The following CFDP1 variants were observed in gnomAD, a reference collection of about 807,000 sequenced individuals.
CFDP1 encodes the protein chromatin remodeling protein CFDP1.
Under a neutral mutation model 40.1 loss-of-function variants are expected in CFDP1, and 31 were observed. The ratio of observed to expected loss-of-function variants is 0.77; its 90% CI spans 0.58 to 1.04. CFDP1 has a LOEUF of 1.04. Among genes scored for constraint, CFDP1 ranks in the 50% least tolerant of loss-of-function variants. The probability of loss-of-function intolerance (pLI) is 0.00; values close to 1 mark genes in which losing one functional copy is unlikely to be tolerated. For synonymous variants in CFDP1, 167 were observed against 120.0 expected, an observed-to-expected ratio of 1.39 and a Z score of -2.56; for missense variants, 423 against 343.4, an observed-to-expected ratio of 1.23 and a Z score of -1.83.
intron 5 of CFDP1, among the ~76,000 whole-genome samples, chr16:75,312,060 C>T (rs973800007): frequency 6.6e-6 from 1 of 152,164 alleles, no homozygotes; most frequent in African/African-American, 2.4e-5. Flanking sequence ...GTTTCTCTTT[C>T]GCATTTTCTC....
chr16:75,298,286 G>A (rs968298202), intron 6 of CFDP1, among the ~76,000 whole-genome samples: 2 of 152,176 alleles, frequency 1.3e-5, no homozygotes, highest in African/African-American at 4.8e-5. Flanking sequence ...ACCTGTATCT[G>A]GGAACCCACC....
chr16:75,337,450 A>G (rs2078497425), intron 5 of CFDP1, among the ~76,000 whole-genome samples: 1 of 152,188 alleles, frequency 6.6e-6, no homozygotes, highest in Admixed American at 6.5e-5. Flanking sequence ...TATTGCTGCC[A>G]CAACTAACCT....
At chr16:75,370,854 T>A (rs538348779) in intron 5 of CFDP1, among the ~76,000 whole-genome samples, 1 of 152,290 alleles carries the variant, frequency 6.6e-6, no homozygotes, top group Non-Finnish European at 1.5e-5. Context: ...AGAGCAAGAC[T>A]GTCTCAAAAA....
chr16:75,410,055 C>CAAA (rs150987819), intron 4 of CFDP1, among the ~76,000 whole-genome samples: 32 of 52,536 alleles, frequency 6.1e-4, no homozygotes, highest in African/African-American at 2.2e-3. Context: ...GACCCTTTCT[C>CAAA]AAAAAAAAAA....
intron 5 of CFDP1, among the ~76,000 whole-genome samples, chr16:75,369,311 G>A (rs1264336824): frequency 6.6e-6 from 1 of 152,002 alleles, no homozygotes; most frequent in Non-Finnish European, 1.5e-5. Flanking sequence ...AAGCACTTTA[G>A]GAGGTCAAGG....
chr16:75,318,860 T>C (rs1188775727), intron 5 of CFDP1, among the ~76,000 whole-genome samples: 1 of 152,168 alleles, frequency 6.6e-6, no homozygotes, highest in East Asian at 1.9e-4. Context: ...TAGGCTAAAG[T>C]TTTGGGATAC....
chr16:75,326,237 G>C (rs763048254), intron 5 of CFDP1, among the ~76,000 whole-genome samples: 3 of 152,116 alleles, frequency 2.0e-5, no homozygotes, highest in Non-Finnish European at 4.4e-5. Context: ...ACTGCAGCCG[G>C]GTTGCTTTTG....
intron 5 of CFDP1, among the ~76,000 whole-genome samples, chr16:75,380,398 G>C (rs1163506073): frequency 6.6e-6 from 1 of 152,106 alleles, no homozygotes; most frequent in African/African-American, 2.4e-5. Context: ...GGTTACAGCC[G>C]GCAGGGTGGG....
chr16:75,395,255 A>T, intron 4 of CFDP1, 46 bp from the exon 5 acceptor site: 1 of 1,599,602 alleles, frequency 6.3e-7, no homozygotes, highest in Non-Finnish European at 8.5e-7. Flanking sequence ...GAATAAAGAG[A>T]AAGAAACAAG....
chr16:75,386,578 A>T (rs972799739), intron 5 of CFDP1, among the ~76,000 whole-genome samples: 8 of 152,174 alleles, frequency 5.3e-5, no homozygotes, highest in African/African-American at 1.9e-4. Context: ...TACAAAAATT[A>T]GCCGGGCGTG....
chr16:75,408,082 T>A (rs760140230), intron 4 of CFDP1, among the ~76,000 whole-genome samples: 6 of 140,904 alleles, frequency 4.3e-5, no homozygotes, highest in Non-Finnish European at 9.1e-5. Context: ...ACAGCCTGGG[T>A]GACAAAGAGA....
intron 5 of CFDP1, among the ~76,000 whole-genome samples, chr16:75,335,877 AC>A (rs1399509469): frequency 6.6e-6 from 1 of 152,164 alleles, no homozygotes; most frequent in Non-Finnish European, 1.5e-5. Flanking sequence ...TATTTAGCTT[AC>A]ATTTGTGTCT....
intron 4 of CFDP1, among the ~76,000 whole-genome samples, chr16:75,408,735 A>C (rs2151580942): frequency 6.6e-6 from 1 of 152,058 alleles, no homozygotes; most frequent in South Asian, 2.1e-4. Context: ...AGATCATGCC[A>C]CTGTACTCTA....
Position 75,339,386 on chromosome 16 carries a change from A to C in CFDP1, c.651-34204T>G, listed in dbSNP as rs559626252. Among the ~76,000 whole-genome samples, 6 of 152,172 alleles carry C rather than the reference A, an allele frequency of 3.9e-5. No individual in the cohort carries two copies. In the South Asian group the frequency reaches 1.2e-3, roughly 32 times the overall value. On this transcript the variant is annotated intron_variant, in intron 5 of 6. Coordinates refer to ENST00000283882, the MANE Select transcript of CFDP1 (RefSeq NM_006324.3). ...TTCATGAGTGCAGCATTCTCTTTTT[A>C]TCTCTTTCAGGGATAAATTCACTTC...
At chr16:75,364,571 G>A (rs2078701279) in intron 5 of CFDP1, among the ~76,000 whole-genome samples, 1 of 152,186 alleles carries the variant, frequency 6.6e-6, no homozygotes, top group Non-Finnish European at 1.5e-5. Flanking sequence ...GACAGCTAAT[G>A]GAATGTGTGA....
At chr16:75,359,008 C>A (rs1379238290) in intron 5 of CFDP1, among the ~76,000 whole-genome samples, 1 of 152,140 alleles carries the variant, frequency 6.6e-6, no homozygotes, top group Non-Finnish European at 1.5e-5. Flanking sequence ...AAAAGGATAA[C>A]CAAAATTATC....
At position 75,305,165 on chromosome 16, in the gene CFDP1, C is replaced by A. The variant is rs752679386; in HGVS notation, c.668G>T (p.Gly223Val). The A allele has an allele frequency of 6.2e-7, 1 of 1,614,020 alleles. No homozygotes were observed. The highest frequency in any genetic ancestry group is 2.2e-5 in the East Asian group (1 of 44,884). Reference sequence around the variant, plus strand: ...AATTTTCCCCAAAAGGCTGCTCATGCCACTTGATCTTTTTAACCTAAGGAA... The same window carrying A: ...AATTTTCCCCAAAAGGCTGCTCATGACACTTGATCTTTTTAACCTAAGGAA... The part of the protein sequence containing the change: ...PAGSGLKRSS[G>V]MSSLLGKIGA... Residue 223 changes from glycine to valine, a missense_variant, in exon 6 of 7, where the codon GGC becomes GTC. Gly to Val is a moderately radical substitution (Grantham distance 109, BLOSUM62 -3). Coordinates refer to ENST00000283882, the MANE Select transcript of CFDP1 (RefSeq NM_006324.3).
chr16:75,364,219 C>CT (rs1313067567), intron 5 of CFDP1, among the ~76,000 whole-genome samples: 1 of 152,128 alleles, frequency 6.6e-6, no homozygotes, highest in South Asian at 2.1e-4. Context: ...TAACAATTCA[C>CT]TTTTTAAAAA....
intron 5 of CFDP1, among the ~76,000 whole-genome samples, chr16:75,335,509 C>A (rs114546258): frequency 0.015 from 2,336 of 151,596 alleles, 56 homozygotes; most frequent in African/African-American, 0.052. Flanking sequence ...ATCTCCCCTT[C>A]AACTGATTTC....
Sources: gnomAD v4.1 joint callset for allele counts (sites outside exome capture counted in the v4.1 genomes callset) on GRCh38, gnomAD v4.1.1 for gene constraint, MANE v1.5 for transcripts, NCBI Gene and HGNC (gene_info 2026-07-23, HGNC 2026-07-21) for gene names.